Variants in SLCO4C1 observed in about 807,000 individuals in gnomAD.
The protein encoded by SLCO4C1 is solute carrier organic anion transporter family member 4C1.
SLCO4C1 carries 58 observed loss-of-function variants against 72.1 expected under a neutral mutation model. That is an observed-to-expected ratio of 0.80 (90% CI 0.65 to 1.00). SLCO4C1 has a LOEUF of 1.00. SLCO4C1 is among the 50% of genes least tolerant of loss of function. SLCO4C1 has a pLI of 0.00. For synonymous variants in SLCO4C1, 297 were observed against 312.5 expected (o/e 0.95, Z 0.52); for missense variants, 898 against 857.9 (o/e 1.05, Z -0.58).
chr5:102,278,291 C>A (rs1749287078), intron 2 of SLCO4C1, among the ~76,000 whole-genome samples: 1 of 151,994 alleles, frequency 6.6e-6, no homozygotes, highest in Non-Finnish European at 1.5e-5. Flanking sequence ...AAAAAATAGT[C>A]AATTTACCAA....
intron 9 of SLCO4C1, among the ~76,000 whole-genome samples, chr5:102,247,917 CTT>C (rs55692838): frequency 0.33 from 34,523 of 106,182 alleles, 4,275 homozygotes; most frequent in East Asian, 0.49. Context: ...AGGCCAGAAA[CTT>C]TTTTTTTTTT....
chr5:102,270,899 CTTA>C (rs1749140590), intron 2 of SLCO4C1, 93 bp from the exon 3 acceptor site: 6 of 930,998 alleles, frequency 6.4e-6, no homozygotes, highest in Non-Finnish European at 9.3e-6. Context: ...ATAATATAAC[CTTA>C]TTTATTTCTT....
chr5:102,266,503 A>G (rs1749042243), intron 3 of SLCO4C1, among the ~76,000 whole-genome samples: 2 of 152,164 alleles, frequency 1.3e-5, no homozygotes, highest in South Asian at 4.1e-4. Flanking sequence ...TACAAAAATT[A>G]GCCAGGTGTG....
At chr5:102,262,487 C>A (rs1339555683) in intron 4 of SLCO4C1, among the ~76,000 whole-genome samples, 2 of 152,056 alleles carry the variant, frequency 1.3e-5, no homozygotes, top group African/African-American at 4.8e-5. Context: ...CTATTTATTT[C>A]TTTGAAACAG....
chr5:102,261,336 C>G (rs147090726), intron 5 of SLCO4C1, among the ~76,000 whole-genome samples: 5 of 151,924 alleles, frequency 3.3e-5, no homozygotes, highest in African/African-American at 1.2e-4. Context: ...TGCTTGAACT[C>G]GGGAGGCAGA....
chr5:102,268,485 G>A (rs1303955466), intron 3 of SLCO4C1, among the ~76,000 whole-genome samples: 2 of 152,114 alleles, frequency 1.3e-5, no homozygotes, highest in Admixed American at 1.3e-4. Flanking sequence ...CAGTCTAAGT[G>A]TGTCTTTACA....
At position 102,255,196 on chromosome 5, in the gene SLCO4C1, A is replaced by G. The variant is rs1003772050; in HGVS notation, c.1469+1919T>C. ...CACTAAGAAACATGTATGTGTATTAAACACTATATCCCAGATCTTAATATA... is the reference window on the plus strand; with the variant it reads ...CACTAAGAAACATGTATGTGTATTAGACACTATATCCCAGATCTTAATATA... On this transcript the variant is annotated intron_variant, in intron 8 of 12. Coordinates refer to ENST00000310954, the MANE Select transcript of SLCO4C1 (RefSeq NM_180991.5). Among the ~76,000 whole-genome samples, 54 of 151,630 alleles carry G rather than the reference A, an allele frequency of 3.6e-4. 1 individual carries two copies. The highest frequency in any genetic ancestry group is 2.9e-3 in the Admixed American group (44 of 15,230).
chr5:102,256,160 TG>T (rs1487852219), intron 8 of SLCO4C1, among the ~76,000 whole-genome samples: 1 of 151,978 alleles, frequency 6.6e-6, no homozygotes, highest in Non-Finnish European at 1.5e-5. Flanking sequence ...GCCAAGACTG[TG>T]CCACTGCACT....
At position 102,270,704 on chromosome 5, in the gene SLCO4C1, GC is replaced by G. The variant is rs1277545406; in HGVS notation, c.721del (p.Ala241GlnfsTer27). 1 of 1,613,158 alleles carries G rather than the reference GC, an allele frequency of 6.2e-7. No homozygotes were observed. Among genetic ancestry groups the G allele is most frequent in the Non-Finnish European group, 8.5e-7 (1 of 1,179,500 alleles). On this transcript the variant is annotated frameshift_variant, in exon 3 of 13. Transcript: ENST00000310954. LOFTEE classifies it high-confidence loss of function. ...VFILGQLLLG[A>X]GGTPLYTLGT... The stretch of plus-strand genomic sequence containing the variant: ...CAGAGTATAAAGAGGAGTTCCTCCT[GC>G]CCCCAGCAATAGTTGTCCCAAGATG...
At chr5:102,265,084 TG>T (rs1749012093) in intron 3 of SLCO4C1, among the ~76,000 whole-genome samples, 1 of 152,062 alleles carries the variant, frequency 6.6e-6, no homozygotes, top group Admixed American at 6.6e-5. Flanking sequence ...TACAATAACA[TG>T]GGGACACATG....
chr5:102,289,999 T>C (rs892823398), intron 2 of SLCO4C1, among the ~76,000 whole-genome samples: 5 of 152,234 alleles, frequency 3.3e-5, no homozygotes, highest in African/African-American at 4.8e-5. Flanking sequence ...TAATATTGTC[T>C]TAGTCCATTT....
At chr5:102,276,048 T>C (rs753784285) in intron 2 of SLCO4C1, among the ~76,000 whole-genome samples, 6 of 152,154 alleles carry the variant, frequency 3.9e-5, no homozygotes, top group African/African-American at 7.2e-5. Flanking sequence ...AAATGCACAC[T>C]TGGGACCTCT....
chr5:102,259,351 ATAAAC>A (rs1401592136), intron 6 of SLCO4C1, among the ~76,000 whole-genome samples: 1 of 152,114 alleles, frequency 6.6e-6, no homozygotes, highest in Non-Finnish European at 1.5e-5. Context: ...AATTTATAAG[ATAAAC>A]TAAACAGGAA....
At chr5:102,280,982 T>A (rs1749343891) in intron 2 of SLCO4C1, among the ~76,000 whole-genome samples, 1 of 152,114 alleles carries the variant, frequency 6.6e-6, no homozygotes, top group African/African-American at 2.4e-5. Flanking sequence ...CTAAAATTTA[T>A]ATAGAAATAA....
intron 8 of SLCO4C1, among the ~76,000 whole-genome samples, chr5:102,255,911 TG>T (rs1156709086): frequency 1.3e-5 from 2 of 152,104 alleles, no homozygotes; most frequent in African/African-American, 4.8e-5. Flanking sequence ...GTTGAACAAA[TG>T]TAATGGAGCT....
At chr5:102,261,505 T>C (rs1561372362) in intron 5 of SLCO4C1, among the ~76,000 whole-genome samples, 1 of 146,808 alleles carries the variant, frequency 6.8e-6, no homozygotes. Context: ...AGTGATAACT[T>C]AAAAAAAAAA....
At chr5:102,269,265 C>A (rs1255293540) in intron 3 of SLCO4C1, among the ~76,000 whole-genome samples, 1 of 152,022 alleles carries the variant, frequency 6.6e-6, no homozygotes, top group South Asian at 2.1e-4. Context: ...TTTTCTATAC[C>A]TTTTCCCATT....
At chr5:102,265,282 G>A (rs147760886) in intron 3 of SLCO4C1, among the ~76,000 whole-genome samples, 1 of 152,142 alleles carries the variant, frequency 6.6e-6, no homozygotes, top group African/African-American at 2.4e-5. Context: ...TCTACAATCT[G>A]ATGATTGTTT....
At chr5:102,267,279 T>C (rs1047849617) in intron 3 of SLCO4C1, among the ~76,000 whole-genome samples, 1 of 152,182 alleles carries the variant, frequency 6.6e-6, no homozygotes, top group Non-Finnish European at 1.5e-5. Context: ...TAGGAGACTT[T>C]TTATTATTGA....
Sources: gnomAD v4.1 joint callset for allele counts (sites outside exome capture counted in the v4.1 genomes callset) on GRCh38, gnomAD v4.1.1 for gene constraint, MANE v1.5 for transcripts, NCBI Gene and HGNC (gene_info 2026-07-23, HGNC 2026-07-21) for gene names.